The following ENTREP3 variants were observed in gnomAD, a reference collection of about 807,000 sequenced individuals.
ENTREP3 encodes the protein protein ENTREP3.
At chr1:155,248,290 T>G in the ENTREP3 span, 1 of 1,603,480 alleles carries the variant, frequency 6.2e-7, no homozygotes, top group Non-Finnish European at 8.5e-7. Context: ...AGAGGCAGGC[T>G]TCAGAGCAGA....
chr1:155,253,534 A>G, the ENTREP3 span: 48 of 839,542 alleles, frequency 5.7e-5, no homozygotes, highest in Non-Finnish European at 8.6e-5. Flanking sequence ...CAAAAGCCAG[A>G]TCTGTAGCCA....
At chr1:155,247,888 C>T in the ENTREP3 span, 1 of 1,570,076 alleles carries the variant, frequency 6.4e-7, no homozygotes, top group African/African-American at 1.4e-5. Context: ...AGAGCTAGAG[C>T]TCAGATCTCC....
the ENTREP3 span, chr1:155,250,411 G>A: frequency 6.6e-7 from 1 of 1,506,430 alleles, no homozygotes; most frequent in Non-Finnish European, 8.9e-7. This position sits in a 1 kb window ranked among gnomAD's most constrained non-coding sequence, Gnocchi z 5.4. Context: ...CGACGAGTCG[G>A]GGCTCGGGTG....
At chr1:155,247,997 A>G in the ENTREP3 span, 15 of 1,613,074 alleles carry the variant, frequency 9.3e-6, no homozygotes, top group African/African-American at 1.3e-5. Context: ...ATAAGGCTCA[A>G]TCTGAAGCTC....
the ENTREP3 span, chr1:155,254,044 C>T: frequency 6.2e-7 from 1 of 1,613,200 alleles, no homozygotes; most frequent in Non-Finnish European, 8.5e-7. The surrounding 1 kb of genome is among the most constrained non-coding windows in gnomAD (Gnocchi z 4.4). Flanking sequence ...GCACACCTCC[C>T]CCAGCCAGTT....
At chr1:155,248,198 T>G in the ENTREP3 span, 2 of 1,609,784 alleles carry the variant, frequency 1.2e-6, no homozygotes, top group Non-Finnish European at 1.7e-6. Flanking sequence ...CAGGGGAACT[T>G]TTTGGAAGGT....
At chr1:155,250,555 G>T in the ENTREP3 span, 1 of 1,582,640 alleles carries the variant, frequency 6.3e-7, no homozygotes, top group South Asian at 1.1e-5. The surrounding 1 kb of genome is among the most constrained non-coding windows in gnomAD (Gnocchi z 5.4). Flanking sequence ...CCCAGTGGGG[G>T]TGGAGCTTCA....
At chr1:155,247,664 G>T in the ENTREP3 span, 2 of 966,894 alleles carry the variant, frequency 2.1e-6, no homozygotes, top group Admixed American at 2.2e-5. Flanking sequence ...GGGACACTTT[G>T]GGGGGTATAC....
chr1:155,247,354 G>A, the ENTREP3 span: 1 of 477,362 alleles, frequency 2.1e-6, no homozygotes, highest in Non-Finnish European at 4.1e-6. Flanking sequence ...AGGTGGCAGA[G>A]CTGAGAGGCC....
the ENTREP3 span, chr1:155,253,747 GGAGGA>G: frequency 5.0e-6 from 8 of 1,607,650 alleles, no homozygotes; most frequent in Non-Finnish European, 6.8e-6. Flanking sequence ...GGAAGGGAAA[GGAGGA>G]GAGGAGTCAG....
At chr1:155,254,566 G>A in the ENTREP3 span, 1 of 1,559,840 alleles carries the variant, frequency 6.4e-7, no homozygotes, top group Middle Eastern at 1.7e-4. The surrounding 1 kb of genome is among the most constrained non-coding windows in gnomAD (Gnocchi z 4.4). Flanking sequence ...AGGAGAGGGA[G>A]GAGAGGCAAG....
the ENTREP3 span, chr1:155,250,354 G>A: frequency 2.6e-6 from 4 of 1,547,120 alleles, no homozygotes; most frequent in Non-Finnish European, 3.5e-6. This position sits in a 1 kb window ranked among gnomAD's most constrained non-coding sequence, Gnocchi z 5.4. Context: ...GCCGGATGAG[G>A]AGGCCGGTGC....
the ENTREP3 span, among the ~76,000 whole-genome samples, chr1:155,249,386 C>G: frequency 6.6e-6 from 1 of 152,208 alleles, no homozygotes; most frequent in Non-Finnish European, 1.5e-5. Context: ...CCACCGTGCC[C>G]GGCCTGAAGT....
chr1:155,249,605 C>T, the ENTREP3 span, among the ~76,000 whole-genome samples: 1 of 151,906 alleles, frequency 6.6e-6, no homozygotes, highest in Non-Finnish European at 1.5e-5. Flanking sequence ...ATTGCCCGGG[C>T]ACGGTGACTC....
the ENTREP3 span, chr1:155,254,134 G>C: frequency 1.2e-6 from 2 of 1,614,120 alleles, no homozygotes; most frequent in South Asian, 2.2e-5. This position sits in a 1 kb window ranked among gnomAD's most constrained non-coding sequence, Gnocchi z 4.4. Flanking sequence ...TTACAGGAGA[G>C]AACAGAGCCA....
the ENTREP3 span, chr1:155,251,377 G>A: frequency 2.7e-6 from 2 of 748,224 alleles, no homozygotes; most frequent in Admixed American, 5.4e-5. Flanking sequence ...AGGCAACAGT[G>A]GGCATGCTGG....
the ENTREP3 span, chr1:155,248,435 C>G: frequency 1.2e-6 from 2 of 1,613,976 alleles, no homozygotes; most frequent in Non-Finnish European, 1.7e-6. Context: ...GAAGCAGCTT[C>G]TTCCTCAAGC....
At chr1:155,249,526 T>C in the ENTREP3 span, among the ~76,000 whole-genome samples, 1 of 150,500 alleles carries the variant, frequency 6.6e-6, no homozygotes, top group African/African-American at 2.4e-5. Context: ...GGTGGATCAC[T>C]TGAGGTCAGG....
chr1:155,251,527 A>G, the ENTREP3 span: 1 of 1,613,814 alleles, frequency 6.2e-7, no homozygotes, highest in South Asian at 1.1e-5. Context: ...TAGTCCCATG[A>G]CTGCCTCATA....
Sources: gnomAD v4.1 joint callset for allele counts (sites outside exome capture counted in the v4.1 genomes callset) on GRCh38, gnomAD v4.1.1 for gene constraint, Gnocchi (gnomAD v3.1) non-coding constraint, MANE v1.5 for transcripts, NCBI Gene and HGNC (gene_info 2026-07-23, HGNC 2026-07-21) for gene names.